Variants in SLC14A2 observed in about 807,000 individuals in gnomAD.
SLC14A2 encodes urea transporter 2.
SLC14A2 carries 91 observed loss-of-function variants against 104.6 expected under a neutral mutation model. That is an observed-to-expected ratio of 0.87 (90% CI 0.73 to 1.04). SLC14A2 has a LOEUF of 1.04. Ranked by LOEUF, SLC14A2 falls within the 50% of genes least tolerant of loss-of-function variation. SLC14A2 has a pLI of 0.00. For synonymous variants in SLC14A2, 476 were observed against 466.4 expected, an observed-to-expected ratio of 1.02 and a Z score of -0.27; for missense variants, 1,189 against 1,156.0, an observed-to-expected ratio of 1.03 and a Z score of -0.41.
At chr18:45,397,552 T>C (rs1055150360) in intron 1 of SLC14A2, among the ~76,000 whole-genome samples, 1 of 152,340 alleles carries the variant, frequency 6.6e-6, no homozygotes, top group South Asian at 2.1e-4. Flanking sequence ...TCCTTATAGA[T>C]GTTGGATATT....
chr18:45,606,388 G>C (rs1040440707), intron 2 of SLC14A2, among the ~76,000 whole-genome samples: 1 of 152,008 alleles, frequency 6.6e-6, no homozygotes, highest in Non-Finnish European at 1.5e-5. Context: ...CAAAATTTGG[G>C]GCAGGGTTGC....
intron 2 of SLC14A2, among the ~76,000 whole-genome samples, chr18:45,518,390 C>G (rs1302742024): frequency 1.0e-5 from 1 of 98,424 alleles, no homozygotes; most frequent in Non-Finnish European, 2.2e-5. Context: ...CCTATGATAG[C>G]ATTTGTCTTC....
chr18:45,407,848 A>C (rs2086173179), intron 1 of SLC14A2, among the ~76,000 whole-genome samples: 1 of 152,206 alleles, frequency 6.6e-6, no homozygotes, highest in African/African-American at 2.4e-5. Context: ...GGTGCTGTTC[A>C]TGGCACTTCC....
the SLC14A2 span, among the ~76,000 whole-genome samples, chr18:45,179,635 A>C: frequency 6.6e-6 from 1 of 152,202 alleles, no homozygotes; most frequent in Non-Finnish European, 1.5e-5. Flanking sequence ...CAGCAAGGTT[A>C]TAGCATAATT....
At chr18:45,417,004 A>G (rs2086284883) in intron 1 of SLC14A2, among the ~76,000 whole-genome samples, 1 of 152,204 alleles carries the variant, frequency 6.6e-6, no homozygotes, top group African/African-American at 2.4e-5. Flanking sequence ...GTGCACATCC[A>G]CACAAATCCG....
chr18:45,285,809 C>A (rs2084809502), intron 1 of SLC14A2, among the ~76,000 whole-genome samples: 1 of 102,634 alleles, frequency 9.7e-6, no homozygotes, highest in Admixed American at 8.9e-5. Context: ...CCTGTGTGGT[C>A]TCCTCTTTGG....
intron 2 of SLC14A2, among the ~76,000 whole-genome samples, chr18:45,541,058 G>A (rs900769305): frequency 4.6e-5 from 7 of 152,174 alleles, no homozygotes; most frequent in African/African-American, 1.7e-4. Flanking sequence ...TTAAGCACAA[G>A]AGCCTCCTCC....
chr18:45,332,373 G>C (rs1225120898), intron 1 of SLC14A2, among the ~76,000 whole-genome samples: 2 of 152,126 alleles, frequency 1.3e-5, no homozygotes, highest in Admixed American at 6.5e-5. Flanking sequence ...GGTATTATAA[G>C]TAATCTAAAG....
chr18:45,350,339 C>T (rs1455027734), intron 1 of SLC14A2, among the ~76,000 whole-genome samples: 1 of 152,220 alleles, frequency 6.6e-6, no homozygotes, highest in Non-Finnish European at 1.5e-5. Flanking sequence ...CCTGAGAACA[C>T]CCCCATGGCT....
intron 1 of SLC14A2, among the ~76,000 whole-genome samples, chr18:45,246,655 C>G (rs926599441): frequency 2.6e-5 from 4 of 151,990 alleles, no homozygotes; most frequent in Non-Finnish European, 5.9e-5. Context: ...TCACTGCAAC[C>G]TCCGCCTCCC....
intron 2 of SLC14A2, among the ~76,000 whole-genome samples, chr18:45,506,610 G>T (rs1001470915): frequency 6.6e-6 from 1 of 152,174 alleles, no homozygotes; most frequent in Non-Finnish European, 1.5e-5. Context: ...GGCAGAAATT[G>T]GAGTGATGCC....
At chr18:45,590,321 T>C (rs951410086) in intron 2 of SLC14A2, among the ~76,000 whole-genome samples, 8 of 152,146 alleles carry the variant, frequency 5.3e-5, no homozygotes, top group Non-Finnish European at 7.3e-5. Context: ...GCTGACAACA[T>C]TGTTTTTTGC....
At chr18:45,249,892 T>G (rs1313015200) in intron 1 of SLC14A2, among the ~76,000 whole-genome samples, 1 of 152,070 alleles carries the variant, frequency 6.6e-6, no homozygotes, top group East Asian at 1.9e-4. Flanking sequence ...AAGGGTGCAG[T>G]GAGCTATGAT....
chr18:45,663,288 C>G (rs2045961236), intron 10 of SLC14A2, among the ~76,000 whole-genome samples: 1 of 152,354 alleles, frequency 6.6e-6, no homozygotes, highest in African/African-American at 2.4e-5. Context: ...GATGTCAGTT[C>G]TCAGCCCAAG....
At chr18:45,625,651 T>C (rs747747086) in intron 2 of SLC14A2, 32 bp from the exon 3 acceptor site, 76 of 1,502,236 alleles carry the variant, frequency 5.1e-5, no homozygotes, top group Non-Finnish European at 6.7e-5. Flanking sequence ...GAAAGCTGTA[T>C]CATTTGATGT....
intron 2 of SLC14A2, among the ~76,000 whole-genome samples, chr18:45,558,177 C>T (rs940425605): frequency 6.6e-6 from 1 of 152,156 alleles, no homozygotes; most frequent in Non-Finnish European, 1.5e-5. Flanking sequence ...TGATTTGGTA[C>T]CTTTCTCTCT....
intron 1 of SLC14A2, chr18:45,423,802 G>A (rs189836533): frequency 6.6e-6 from 1 of 152,306 alleles, no homozygotes; most frequent in Admixed American, 6.5e-5. Context: ...ACAAAGCAAA[G>A]CAGGCAGAAG....
intron 1 of SLC14A2, among the ~76,000 whole-genome samples, chr18:45,428,966 A>G (rs2086474161): frequency 1.3e-5 from 2 of 152,200 alleles, no homozygotes; most frequent in South Asian, 4.1e-4. Flanking sequence ...ATGAAACCTC[A>G]TCACCAGTGC....
intron 8 of SLC14A2, among the ~76,000 whole-genome samples, chr18:45,641,975 C>A (rs895427196): frequency 6.6e-6 from 1 of 152,212 alleles, no homozygotes; most frequent in Non-Finnish European, 1.5e-5. Context: ...CACTTAATCC[C>A]CCCAAGAATA....
Sources: gnomAD v4.1 joint callset for allele counts (sites outside exome capture counted in the v4.1 genomes callset) on GRCh38, gnomAD v4.1.1 for gene constraint, MANE v1.5 for transcripts, NCBI Gene and HGNC (gene_info 2026-07-23, HGNC 2026-07-21) for gene names.